Variants in BCL11B observed in about 807,000 individuals in gnomAD.
BCL11B encodes B-cell lymphoma/leukemia 11B.
BCL11B carries 8 observed loss-of-function variants against 49.9 expected under a neutral mutation model. The ratio of observed to expected loss-of-function variants is 0.16; its 90% CI spans 0.09 to 0.29. The LOEUF (loss-of-function observed/expected upper bound fraction) is 0.29. Among genes scored for constraint, BCL11B ranks in the 10% least tolerant of loss-of-function variants. The pLI is 1.00. For missense variants in BCL11B, 1,006 were observed against 1,351.0 expected (o/e 0.74, Z 4.00); for synonymous variants, 739 against 637.4 (o/e 1.16, Z -2.40).
Position 99,173,960 on chromosome 14 carries a change from G to A in BCL11B, c.*191C>T, listed in dbSNP as rs971073942. ...GCACAGTTAAAAGGCTCCACAATTT[G>A]TACTGCCTTAATCAACCCTCGGGTT... On this transcript the variant is annotated 3_prime_UTR_variant, in exon 4 of 4. Coordinates refer to ENST00000357195, the MANE Select transcript of BCL11B (RefSeq NM_138576.4). 2 of 604,964 alleles carry A rather than the reference G, an allele frequency of 3.3e-6. No individual in the cohort carries two copies. The highest frequency in any genetic ancestry group is 3.7e-5 in the African/African-American group (2 of 54,040). 37.5% of individuals were successfully genotyped at this position (604,964 alleles called of 1,614,324 possible).
At chr14:99,188,975 G>T (rs1017482004) in intron 3 of BCL11B, among the ~76,000 whole-genome samples, 1 of 152,234 alleles carries the variant, frequency 6.6e-6, no homozygotes, top group African/African-American at 2.4e-5. Flanking sequence ...TCAATACGAC[G>T]TGCCACAAAT....
chr14:99,182,000 A>T (rs1886719282), intron 3 of BCL11B, among the ~76,000 whole-genome samples: 1 of 152,104 alleles, frequency 6.6e-6, no homozygotes. Context: ...CTCTTTCATG[A>T]CGTCAGAAAG....
intron 1 of BCL11B, among the ~76,000 whole-genome samples, chr14:99,270,207 G>A (rs1418765941): frequency 6.6e-6 from 1 of 152,036 alleles, no homozygotes; most frequent in African/African-American, 2.4e-5. Flanking sequence ...GATTTCAGCC[G>A]GTGGATTTCC....
chr14:99,238,025 C>T (rs989074396), intron 2 of BCL11B, among the ~76,000 whole-genome samples: 5 of 152,102 alleles, frequency 3.3e-5, no homozygotes, highest in Admixed American at 6.5e-5. Context: ...CTTCCACAAA[C>T]GGCCATCCAG....
At chr14:99,246,305 A>T (rs1381758347) in intron 2 of BCL11B, among the ~76,000 whole-genome samples, 2 of 152,156 alleles carry the variant, frequency 1.3e-5, no homozygotes, top group Non-Finnish European at 2.9e-5. Flanking sequence ...CCCCCGAATT[A>T]TGCATGGACC....
chr14:99,214,402 T>A (rs1370528319), intron 3 of BCL11B, among the ~76,000 whole-genome samples: 3 of 151,734 alleles, frequency 2.0e-5, no homozygotes, highest in Non-Finnish European at 4.4e-5. Context: ...CAAAAAATTT[T>A]AAAAAATTAG....
chr14:99,270,610 C>T (rs1041677520), intron 1 of BCL11B, among the ~76,000 whole-genome samples: 1 of 151,988 alleles, frequency 6.6e-6, no homozygotes, highest in African/African-American at 2.4e-5. Flanking sequence ...CCCTGCTGGG[C>T]CGGGCGCAGG....
rs111283786 is a variant in BCL11B, at chr14:99,232,866, C to T, written c.428-1309G>A. Among the ~76,000 whole-genome samples the T allele has an allele frequency of 2.6e-4, 39 of 152,284 alleles. No homozygotes were observed. The highest frequency in any genetic ancestry group is 9.4e-4 in the African/African-American group (39 of 41,550). On this transcript the variant is annotated intron_variant, in intron 2 of 3. Transcript: ENST00000357195. This position sits in a 1 kb window ranked among gnomAD's most constrained non-coding sequence, Gnocchi z 5.1. ...AAACATGGGTTATCCAGGATCAAGG[C>T]ATCAGGGCATTTAAGAAGACCCCCT...
At chr14:99,246,452 C>A (rs1242628480) in intron 2 of BCL11B, among the ~76,000 whole-genome samples, 4 of 152,194 alleles carry the variant, frequency 2.6e-5, no homozygotes, top group African/African-American at 9.6e-5. Context: ...CAGGCGGGGG[C>A]CAGGCGCGCC....
chr14:99,178,828 T>G (rs1405044319), intron 3 of BCL11B, among the ~76,000 whole-genome samples: 3 of 152,190 alleles, frequency 2.0e-5, no homozygotes, highest in African/African-American at 7.2e-5. Context: ...GCCACTCTAA[T>G]TAATCAATTC....
chr14:99,268,602 A>G (rs890118766), intron 1 of BCL11B, among the ~76,000 whole-genome samples: 2 of 151,886 alleles, frequency 1.3e-5, no homozygotes, highest in Non-Finnish European at 2.9e-5. Flanking sequence ...GCTAAAGTGC[A>G]CCCCATTCCT....
chr14:99,271,759 A>C lies in BCL11B; in HGVS notation c.-541T>G, dbSNP rs549007736. Among the ~76,000 whole-genome samples, 3 of 151,442 alleles carry C rather than the reference A, an allele frequency of 2.0e-5. No homozygotes were observed. In the South Asian group the frequency reaches 6.2e-4, roughly 31 times the overall value. Reference sequence around the variant, plus strand: ...AAAATGCAAACAAATAAAAAAATAAAAGAAGAAAAAGCAAAGGAAAAAAAA... The same window carrying C: ...AAAATGCAAACAAATAAAAAAATAACAGAAGAAAAAGCAAAGGAAAAAAAA... On this transcript the variant is annotated 5_prime_UTR_variant, in exon 1 of 4. Coordinates refer to ENST00000357195, the MANE Select transcript of BCL11B (RefSeq NM_138576.4).
At chr14:99,235,467 T>C (rs1888468798) in intron 2 of BCL11B, among the ~76,000 whole-genome samples, 1 of 152,312 alleles carries the variant, frequency 6.6e-6, no homozygotes. Context: ...AAAATTACTA[T>C]GCATGAATGC....
rs556639080 is a variant in BCL11B at position 99,211,666 on chromosome 14, C to A, written c.640+19679G>T. ...CCACCTGGTTCCTCGAGTCCATCGT[C>A]CTTACTTCTCAGGGCTGCACCTGAC... is the stretch of plus-strand genomic sequence containing the variant. On this transcript the variant is annotated intron_variant, in intron 3 of 3. Coordinates refer to ENST00000357195, the MANE Select transcript of BCL11B (RefSeq NM_138576.4). Among the ~76,000 whole-genome samples the A allele has an allele frequency of 4.6e-5, 7 of 152,134 alleles. No individual in the cohort carries two copies. In the South Asian group the frequency reaches 1.5e-3, roughly 32 times the overall value.
chr14:99,246,068 C>T (rs564951149), intron 2 of BCL11B, among the ~76,000 whole-genome samples: 2 of 152,142 alleles, frequency 1.3e-5, no homozygotes, highest in African/African-American at 2.4e-5. Context: ...GCATGCCCCC[C>T]GCCCCCCAAA....
At position 99,254,360 on chromosome 14, in the gene BCL11B, C is replaced by T. The variant is rs575048055; in HGVS notation, c.427+3111G>A. 3.3e-5 allele frequency among the ~76,000 whole-genome samples: 5 copies of T among 152,360 alleles called. No homozygotes were observed. In the South Asian group the frequency reaches 1.0e-3, roughly 32 times the overall value. The stretch of plus-strand genomic sequence containing the variant: ...GACCTAGTGTGATGACTGACAGAAT[C>T]CCCCTGCAGTTCTCACCCTGGGATC... On this transcript the variant is annotated intron_variant, in intron 2 of 3. Coordinates refer to ENST00000357195, the MANE Select transcript of BCL11B (RefSeq NM_138576.4).
intron 3 of BCL11B, among the ~76,000 whole-genome samples, chr14:99,179,521 C>T (rs1886640168): frequency 7.2e-6 from 1 of 139,078 alleles, no homozygotes; most frequent in African/African-American, 2.6e-5. Flanking sequence ...TAACTTGGAG[C>T]AACATAGGGA....
intron 3 of BCL11B, among the ~76,000 whole-genome samples, chr14:99,212,844 C>G (rs807563): frequency 1.3e-5 from 2 of 152,222 alleles, no homozygotes; most frequent in Admixed American, 6.5e-5. Context: ...CAACCTCCCC[C>G]ACCTGCTTGG....
chr14:99,225,012 G>C (rs998332630), intron 3 of BCL11B, among the ~76,000 whole-genome samples: 9 of 152,214 alleles, frequency 5.9e-5, no homozygotes, highest in Admixed American at 1.3e-4. Context: ...GCAGATAGCA[G>C]AGCTGAAGTC....
Sources: allele counts gnomAD v4.1 joint callset (sites outside exome capture counted in the v4.1 genomes callset), GRCh38; gene constraint gnomAD v4.1.1; non-coding constraint Gnocchi (gnomAD v3.1); transcripts MANE v1.5; gene names NCBI Gene and HGNC (gene_info 2026-07-23, HGNC 2026-07-21).